NBEAL1: variants seen among roughly 807,000 people sequenced by gnomAD.
NBEAL1 encodes the protein neurobeachin like 1, also known as neurobeachin-like protein 1.
NBEAL1 carries 273 observed loss-of-function variants against 351.3 expected under a neutral mutation model. The ratio of observed to expected loss-of-function variants is 0.78; its 90% CI spans 0.70 to 0.86. The LOEUF (loss-of-function observed/expected upper bound fraction) is 0.86, where lower values mean the gene tolerates loss of function less well. NBEAL1 is among the 40% of genes least tolerant of loss of function. The pLI is 0.00. For missense variants in NBEAL1, 2,961 were observed against 3,201.3 expected (o/e 0.92, Z 1.81); for synonymous variants, 1,050 against 1,086.4 (o/e 0.97, Z 0.66).
intron 2 of NBEAL1, among the ~76,000 whole-genome samples, chr2:203,023,242 C>G (rs1347876436): frequency 6.6e-6 from 1 of 152,126 alleles, no homozygotes; most frequent in African/African-American, 2.4e-5. Context: ...TAGTAAGTCT[C>G]TGGTATGTGC....
At position 203,144,997 on chromosome 2, in the gene NBEAL1, A is replaced by G. The variant is rs1575039198; in HGVS notation, c.5155-14A>G. On this transcript the variant is annotated splice_polypyrimidine_tract_variant and intron_variant, in intron 32 of 55. Coordinates refer to ENST00000683969, the MANE Select transcript of NBEAL1 (RefSeq NM_001378026.1). ...ATATTAAATTTTATGTATCTTTTTT[A>G]TTTTTTTGGTAAGATTGTACCTTAT... 6.5e-7 allele frequency: 1 copy of G among 1,527,208 alleles called. No homozygotes were observed. Among genetic ancestry groups the G allele is most frequent in the Non-Finnish European group, 8.8e-7 (1 of 1,141,430 alleles). The allele number at this position is 1,527,208 out of a possible 1,614,324, so 94.6% of individuals were successfully genotyped here.
intron 31 of NBEAL1, among the ~76,000 whole-genome samples, chr2:203,140,399 A>G (rs2063336416): frequency 6.6e-6 from 1 of 151,992 alleles, no homozygotes; most frequent in Admixed American, 6.6e-5. Context: ...TTAGTACGTT[A>G]CTTCTTTCTT....
In NBEAL1 at chr2:203,093,909, G is replaced by A. The variant is rs57879902; in HGVS notation, c.1099-3638G>A. 1.8e-3 allele frequency among the ~76,000 whole-genome samples: 278 copies of A among 152,042 alleles called. 3 individuals are homozygous for A. Among genetic ancestry groups the A allele is most frequent in the African/African-American group, 6.5e-3 (268 of 41,496 alleles). ...CTTTGGGACCTGGGCCTTCCCTGCTGGCCGTAATAGTCTTCCTTATTTCTG... is the reference window on the plus strand; with the variant it reads ...CTTTGGGACCTGGGCCTTCCCTGCTAGCCGTAATAGTCTTCCTTATTTCTG... On this transcript the variant is annotated intron_variant, in intron 10 of 55. Transcript: ENST00000683969.
intron 4 of NBEAL1, among the ~76,000 whole-genome samples, chr2:203,055,248 G>T (rs567784978): frequency 1.3e-5 from 2 of 152,178 alleles, no homozygotes; most frequent in Non-Finnish European, 2.9e-5. Flanking sequence ...TTCCAATTTT[G>T]CCTCTGCCTG....
rs186511218 is a variant in NBEAL1, at chr2:203,202,121, T to C, written c.7411+406T>C. 3.0e-3 allele frequency among the ~76,000 whole-genome samples: 450 copies of C among 152,310 alleles called. 3 individuals carry two copies. The highest frequency in any genetic ancestry group is 0.01 in the African/African-American group (420 of 41,566). On this transcript the variant is annotated intron_variant, in intron 50 of 55. Coordinates refer to ENST00000683969, the MANE Select transcript of NBEAL1 (RefSeq NM_001378026.1). Reference sequence around the variant, plus strand: ...TTTAACTTGCTACTTCTTAGTGTATTAGTCTTCAATATAAGAATAAAACAT... The same window carrying C: ...TTTAACTTGCTACTTCTTAGTGTATCAGTCTTCAATATAAGAATAAAACAT...
intron 2 of NBEAL1, among the ~76,000 whole-genome samples, chr2:203,034,339 A>G (rs2061003969): frequency 6.7e-6 from 1 of 149,288 alleles, no homozygotes; most frequent in African/African-American, 2.5e-5. Context: ...TTGTATTTTT[A>G]GTAGAGACAG....
chr2:203,098,897 A>T lies in NBEAL1; in HGVS notation c.1186-732A>T, dbSNP rs548330572. Among the ~76,000 whole-genome samples, 49 of 152,322 alleles carry T rather than the reference A, an allele frequency of 3.2e-4. 1 individual carries two copies. In the South Asian group the frequency reaches 0.01, roughly 32 times the overall value. Reference sequence around the variant, plus strand: ...AGGGTTTGGAAACTAGATAAACAAGATTATTTTAGCTGTCTTTTTATACAT... The same window carrying T: ...AGGGTTTGGAAACTAGATAAACAAGTTTATTTTAGCTGTCTTTTTATACAT... On this transcript the variant is annotated intron_variant, in intron 11 of 55. Coordinates refer to ENST00000683969, the MANE Select transcript of NBEAL1 (RefSeq NM_001378026.1).
intron 15 of NBEAL1, among the ~76,000 whole-genome samples, chr2:203,111,006 C>A (rs1458550203): frequency 6.6e-6 from 1 of 151,860 alleles, no homozygotes; most frequent in Middle Eastern, 3.4e-3. Flanking sequence ...CCTTGTGATC[C>A]GCCCATCTCT....
chr2:203,088,982 A>G (rs1019328111), intron 10 of NBEAL1, among the ~76,000 whole-genome samples: 1 of 152,146 alleles, frequency 6.6e-6, no homozygotes, highest in African/African-American at 2.4e-5. Context: ...AAGAGGGCAG[A>G]GTAGGAGACA....
intron 25 of NBEAL1, among the ~76,000 whole-genome samples, chr2:203,131,427 G>A (rs2063069800): frequency 6.6e-6 from 1 of 152,114 alleles, no homozygotes; most frequent in Non-Finnish European, 1.5e-5. Context: ...TGTTGGCCAG[G>A]CTGGTCTCGA....
chr2:203,110,005 G>A, intron 14 of NBEAL1, 145 bp from the exon 15 acceptor site: 1 of 736,598 alleles, frequency 1.4e-6, no homozygotes, highest in Non-Finnish European at 2.0e-6. Context: ...TTTGAAACAA[G>A]GTTGGACTTC....
chr2:203,021,450 G>A (rs965496464), intron 2 of NBEAL1, among the ~76,000 whole-genome samples: 1 of 151,788 alleles, frequency 6.6e-6, no homozygotes, highest in Non-Finnish European at 1.5e-5. Context: ...AAAAAAATTA[G>A]CCAGGCATGA....
Position 203,190,301 on chromosome 2 carries a change from A to G in NBEAL1, c.6833A>G (p.Asp2278Gly). The G allele has an allele frequency of 6.2e-7, 1 of 1,608,226 alleles. No homozygotes were observed. Among genetic ancestry groups the G allele is most frequent in the South Asian group, 1.1e-5 (1 of 89,654 alleles). ...FYYCSYEGAV[D>G]LDALTDEKER... ...CTTCTTCTGGTTTTAGGAGCTGTGG[A>G]TCTGGATGCCTTAACAGATGAGAAA... The change falls in exon 46 of 56, where the codon GAT becomes GGT. Residue 2278 changes from aspartate (D) to glycine (G), a missense_variant. Coordinates refer to ENST00000683969, the MANE Select transcript of NBEAL1 (RefSeq NM_001378026.1).
intron 47 of NBEAL1, 57 bp from the exon 48 acceptor site, chr2:203,197,245 A>C: frequency 1.0e-6 from 1 of 972,500 alleles, no homozygotes. Flanking sequence ...GGTTTTCAGT[A>C]ATTTGTACCT....
rs192947234 is a variant in NBEAL1, at chr2:203,173,353, C to T, written c.6323+500C>T. 5.4e-3 allele frequency among the ~76,000 whole-genome samples: 816 copies of T among 152,152 alleles called. 11 individuals are homozygous for T. Among genetic ancestry groups the T allele is most frequent in the African/African-American group, 0.019 (770 of 41,560 alleles). On this transcript the variant is annotated intron_variant, in intron 41 of 55. Transcript: ENST00000683969. ...TAGTTCTGTTTATGATCTACCCTGT[C>T]AACTTCTCACAATTAATTTTTTCAA...
At chr2:203,124,685 T>C (rs1401136624) in intron 19 of NBEAL1, among the ~76,000 whole-genome samples, 1 of 152,172 alleles carries the variant, frequency 6.6e-6, no homozygotes, top group African/African-American at 2.4e-5. Context: ...ACTTTAATAA[T>C]TAATAATAAG....
At chr2:203,029,907 G>A (rs1232245079) in intron 2 of NBEAL1, among the ~76,000 whole-genome samples, 2 of 152,056 alleles carry the variant, frequency 1.3e-5, no homozygotes, top group Non-Finnish European at 2.9e-5. Context: ...AATTGACTAT[G>A]ACTTCATCTG....
chr2:203,050,117 T>C (rs974589187), intron 4 of NBEAL1, 142 bp downstream of exon 4: 1 of 673,484 alleles, frequency 1.5e-6, no homozygotes. Flanking sequence ...TTAGGAGAAA[T>C]ACCTAATGTA....
At chr2:203,184,404 C>T (rs562498526) in intron 44 of NBEAL1, among the ~76,000 whole-genome samples, 7 of 152,258 alleles carry the variant, frequency 4.6e-5, no homozygotes, top group African/African-American at 1.7e-4. Flanking sequence ...GCACTCCAGC[C>T]TGGGAGACAG....
Sources: allele counts gnomAD v4.1 joint callset (sites outside exome capture counted in the v4.1 genomes callset), GRCh38; gene constraint gnomAD v4.1.1; transcripts MANE v1.5; gene names NCBI Gene and HGNC (gene_info 2026-07-23, HGNC 2026-07-21).